The following N4BP2L2 variants were observed in gnomAD, a reference collection of about 807,000 sequenced individuals.
N4BP2L2 encodes the protein NEDD4 binding protein 2 like 2.
N4BP2L2 carries 50 observed loss-of-function variants against 56.2 expected under a neutral mutation model. That is an observed-to-expected ratio of 0.89 (90% CI 0.71 to 1.13). The LOEUF (loss-of-function observed/expected upper bound fraction) is 1.13. N4BP2L2 is among the 50% of genes most tolerant of loss of function. The probability of loss-of-function intolerance (pLI) is 0.00; values close to 1 mark genes in which losing one functional copy is unlikely to be tolerated. For synonymous variants in N4BP2L2, 203 were observed against 223.6 expected (o/e 0.91, Z 0.82); for missense variants, 689 against 693.8 (o/e 0.99, Z 0.08).
chr13:32,533,779 C>A (rs137919109), intron 2 of N4BP2L2, among the ~76,000 whole-genome samples: 3 of 152,122 alleles, frequency 2.0e-5, no homozygotes, highest in African/African-American at 7.2e-5. Flanking sequence ...CAACTCTGAT[C>A]TACCAATTTT....
intron 6 of N4BP2L2, among the ~76,000 whole-genome samples, chr13:32,479,748 A>ATC (rs1228451922): frequency 1.3e-5 from 2 of 152,130 alleles, no homozygotes; most frequent in Non-Finnish European, 2.9e-5. Context: ...ATGGAAAAAG[A>ATC]CATCTGCAGA....
At chr13:32,530,963 T>A (rs2054605035) in intron 2 of N4BP2L2, among the ~76,000 whole-genome samples, 1 of 150,100 alleles carries the variant, frequency 6.7e-6, no homozygotes. Context: ...TTGAAAGAAA[T>A]CAGCTGTCTT....
At chr13:32,510,517 T>TTTA (rs2047883924) in exon 6 of N4BP2L2, 1 of 134,546 alleles carries the variant, frequency 7.4e-6, no homozygotes, top group African/African-American at 2.6e-5. Flanking sequence ...TTTTTTTTTT[T>TTTA]GAGATGGAGT....
chr13:32,469,303 G>C (rs1194945922), intron 6 of N4BP2L2, among the ~76,000 whole-genome samples: 1 of 152,248 alleles, frequency 6.6e-6, no homozygotes, highest in African/African-American at 2.4e-5. Context: ...ATGGGCTCCA[G>C]TGGAGACATG....
downstream of N4BP2L2, chr13:32,509,533 A>G (rs1203224061): frequency 6.6e-6 from 1 of 152,232 alleles, no homozygotes. Flanking sequence ...TTAGTAAAGA[A>G]TAAAGCTCCT....
At chr13:32,534,198 T>C (rs2055878348) in intron 2 of N4BP2L2, among the ~76,000 whole-genome samples, 1 of 152,206 alleles carries the variant, frequency 6.6e-6, no homozygotes, top group African/African-American at 2.4e-5. Context: ...TGGTACTACA[T>C]ACAACTTTCA....
chr13:32,458,352 A>G (rs146864262), intron 6 of N4BP2L2, among the ~76,000 whole-genome samples: 233 of 152,342 alleles, frequency 1.5e-3, no homozygotes, highest in Non-Finnish European at 2.3e-3. Context: ...GGCGTGAGCC[A>G]CTGTGCCCGG....
intron 5 of N4BP2L2, among the ~76,000 whole-genome samples, chr13:32,520,683 A>G (rs755752534): frequency 1.3e-4 from 20 of 152,088 alleles, no homozygotes; most frequent in Non-Finnish European, 2.8e-4. Flanking sequence ...AAAGGAAAAA[A>G]AAAAGGAATA....
chr13:32,465,117 C>T (rs887913564), intron 6 of N4BP2L2, among the ~76,000 whole-genome samples: 3 of 151,988 alleles, frequency 2.0e-5, no homozygotes, highest in African/African-American at 7.3e-5. Context: ...CAGGTGCCTG[C>T]CACCACGCCC....
intron 2 of N4BP2L2, among the ~76,000 whole-genome samples, chr13:32,532,711 C>A (rs1201730336): frequency 1.3e-5 from 2 of 151,456 alleles, no homozygotes; most frequent in Non-Finnish European, 2.9e-5. Flanking sequence ...CTGCCTCAGC[C>A]TCCCAAGTAG....
chr13:32,511,618 T>C (rs2048150739), exon 6 of N4BP2L2: 1 of 152,180 alleles, frequency 6.6e-6, no homozygotes, highest in Non-Finnish European at 1.5e-5. Flanking sequence ...CTGTGGTGTA[T>C]AAGTTTAACT....
intron 6 of N4BP2L2, among the ~76,000 whole-genome samples, chr13:32,472,174 G>C (rs2082432123): frequency 6.6e-6 from 1 of 152,180 alleles, no homozygotes; most frequent in African/African-American, 2.4e-5. Flanking sequence ...AAAGGTGGAG[G>C]ACTGTTCACA....
chr13:32,520,063 A>G (rs1211519727), intron 5 of N4BP2L2, among the ~76,000 whole-genome samples: 1 of 152,156 alleles, frequency 6.6e-6, no homozygotes, highest in African/African-American at 2.4e-5. Context: ...TCTATACATG[A>G]CCACACAGCA....
intron 6 of N4BP2L2, among the ~76,000 whole-genome samples, chr13:32,464,595 T>A (rs2080879495): frequency 6.6e-6 from 1 of 152,156 alleles, no homozygotes; most frequent in Non-Finnish European, 1.5e-5. Flanking sequence ...TATATCAAGG[T>A]TTTGGAAACT....
chr13:32,494,840 G>C (rs1054615395), intron 6 of N4BP2L2, among the ~76,000 whole-genome samples: 2 of 152,092 alleles, frequency 1.3e-5, no homozygotes, highest in African/African-American at 4.8e-5. Context: ...CCCTAGCTGT[G>C]TTCTCCAAGA....
intron 6 of N4BP2L2, among the ~76,000 whole-genome samples, chr13:32,448,236 G>T (rs190719602): frequency 6.6e-5 from 10 of 152,190 alleles, no homozygotes; most frequent in African/African-American, 2.4e-4. Flanking sequence ...ACTTCTGCTT[G>T]AATGTGGCTA....
intron 6 of N4BP2L2, among the ~76,000 whole-genome samples, chr13:32,490,604 C>T (rs374040911): frequency 6.6e-6 from 1 of 152,162 alleles, no homozygotes; most frequent in Non-Finnish European, 1.5e-5. Context: ...TGCGCCTGGC[C>T]GAAGCTATTG....
At chr13:32,491,984 T>C (rs1239298597) in intron 6 of N4BP2L2, among the ~76,000 whole-genome samples, 1 of 152,194 alleles carries the variant, frequency 6.6e-6, no homozygotes, top group Non-Finnish European at 1.5e-5. Context: ...GGTGAGTTAT[T>C]ATGGAATTTG....
At chr13:32,525,319 T>C (rs1009343866) in intron 3 of N4BP2L2, 4 of 152,258 alleles carry the variant, frequency 2.6e-5, no homozygotes, top group Admixed American at 6.5e-5. Flanking sequence ...TCTAATATAT[T>C]TGGAGAAATT....
Sources: gnomAD v4.1 joint callset for allele counts (sites outside exome capture counted in the v4.1 genomes callset) on GRCh38, gnomAD v4.1.1 for gene constraint, MANE v1.5 for transcripts, NCBI Gene and HGNC (gene_info 2026-07-23, HGNC 2026-07-21) for gene names.